Variants in SGCZ observed in about 807,000 individuals in gnomAD.
The protein encoded by SGCZ is sarcoglycan zeta.
In SGCZ, 40 loss-of-function variants were observed where a neutral mutation model predicts 41.3. The ratio of observed to expected loss-of-function variants is 0.97; its 90% confidence interval spans 0.75 to 1.26. The LOEUF is 1.26. Ranked by LOEUF, SGCZ falls within the 50% of genes most tolerant of loss-of-function variation. The pLI, the probability that SGCZ is intolerant of heterozygous loss-of-function variation, is 0.00. For synonymous variants in SGCZ, 206 were observed against 137.5 expected (o/e 1.50, Z -3.49); for missense variants, 552 against 369.8 (o/e 1.49, Z -4.04).
At chr8:14,886,744 G>A (rs1804821591) in intron 1 of SGCZ, among the ~76,000 whole-genome samples, 1 of 152,080 alleles carries the variant, frequency 6.6e-6, no homozygotes, top group African/African-American at 2.4e-5. Context: ...AAATGAGACG[G>A]GAAAATCACT....
At chr8:14,187,931 G>C (rs1258311956) in intron 4 of SGCZ, among the ~76,000 whole-genome samples, 2 of 152,086 alleles carry the variant, frequency 1.3e-5, no homozygotes, top group Non-Finnish European at 2.9e-5. Context: ...TGAAAATCTT[G>C]AAAGGAGCAA....
chr8:15,036,103 G>A (rs1803864381), intron 1 of SGCZ, among the ~76,000 whole-genome samples: 1 of 151,626 alleles, frequency 6.6e-6, no homozygotes, highest in South Asian at 2.1e-4. Context: ...GACTAATTCA[G>A]AAAAAAGAGA....
chr8:14,674,821 C>T (rs891531669), intron 1 of SGCZ, among the ~76,000 whole-genome samples: 3 of 151,740 alleles, frequency 2.0e-5, no homozygotes, highest in African/African-American at 7.3e-5. Context: ...AAACTGCCTG[C>T]TCCCACTTTG....
At chr8:14,927,967 T>A (rs1484670013) in intron 1 of SGCZ, among the ~76,000 whole-genome samples, 2 of 152,134 alleles carry the variant, frequency 1.3e-5, no homozygotes, top group African/African-American at 4.8e-5. Flanking sequence ...GTCACTAAGG[T>A]TCAGTCAAAG....
At chr8:15,181,331 G>C (rs182222030) in intron 1 of SGCZ, among the ~76,000 whole-genome samples, 2 of 151,766 alleles carry the variant, frequency 1.3e-5, no homozygotes, top group African/African-American at 2.4e-5. Context: ...AATTATATTT[G>C]AATTATACTT....
At chr8:14,237,534 AAAC>A in intron 4 of SGCZ, 55 bp downstream of exon 4, 2 of 1,506,564 alleles carry the variant, frequency 1.3e-6, no homozygotes, top group East Asian at 4.6e-5. Flanking sequence ...CAAAAACCAA[AAAC>A]AACAACAAAA....
In SGCZ at chr8:14,088,049, G is replaced by C. The variant is rs900274662; in HGVS notation, c.*2394C>G. Among the ~76,000 whole-genome samples, 1 of 151,462 alleles carries C rather than the reference G, an allele frequency of 6.6e-6. No individual in the cohort carries two copies. The highest frequency in any genetic ancestry group is 1.9e-4 in the East Asian group (1 of 5,148). On this transcript the variant is annotated 3_prime_UTR_variant, in exon 8 of 8. Transcript: ENST00000382080. Reference sequence around the variant, plus strand: ...AATGTGTCAGTCCCTCACTGGAATCGGTTTTTACATCTTTTTTTCTCACTT... The same window carrying C: ...AATGTGTCAGTCCCTCACTGGAATCCGTTTTTACATCTTTTTTTCTCACTT...
chr8:14,149,626 C>G (rs1296269311), intron 5 of SGCZ, among the ~76,000 whole-genome samples: 4 of 147,756 alleles, frequency 2.7e-5, no homozygotes, highest in African/African-American at 1.0e-4. Context: ...AGTGCAATCC[C>G]TATCAAAATA....
chr8:14,572,458 T>C (rs1804583216), intron 1 of SGCZ, among the ~76,000 whole-genome samples: 5 of 152,168 alleles, frequency 3.3e-5, no homozygotes, highest in Admixed American at 2.6e-4. Context: ...CAGGCACTAA[T>C]GCCCACAGGT....
At chr8:15,140,373 C>T (rs1361459752) in intron 1 of SGCZ, among the ~76,000 whole-genome samples, 2 of 152,118 alleles carry the variant, frequency 1.3e-5, no homozygotes, top group Non-Finnish European at 1.5e-5. Flanking sequence ...AGTGTAATCA[C>T]TTAGAAACCA....
At chr8:14,360,751 C>G (rs1437057797) in intron 2 of SGCZ, among the ~76,000 whole-genome samples, 1 of 152,170 alleles carries the variant, frequency 6.6e-6, no homozygotes, top group Non-Finnish European at 1.5e-5. Context: ...ATGAATAAAG[C>G]TGCTATGGAC....
chr8:14,198,396 G>C (rs1035897693), intron 4 of SGCZ, among the ~76,000 whole-genome samples: 2 of 152,236 alleles, frequency 1.3e-5, no homozygotes, highest in Non-Finnish European at 2.9e-5. Context: ...GTGTTAAAGT[G>C]CTTATTTTAA....
At chr8:14,244,463 A>T (rs1009394705) in intron 3 of SGCZ, among the ~76,000 whole-genome samples, 25 of 152,318 alleles carry the variant, frequency 1.6e-4, no homozygotes, top group African/African-American at 6.0e-4. Flanking sequence ...TGAAATAAAA[A>T]GTACCAGTAC....
intron 4 of SGCZ, among the ~76,000 whole-genome samples, chr8:14,222,670 T>C (rs1806239221): frequency 6.6e-6 from 1 of 152,054 alleles, no homozygotes. Context: ...CTTTACTCCA[T>C]GGACAATTTA....
intron 3 of SGCZ, among the ~76,000 whole-genome samples, chr8:14,314,577 G>A (rs1176061826): frequency 2.0e-5 from 3 of 152,076 alleles, no homozygotes; most frequent in Non-Finnish European, 2.9e-5. Context: ...AAAGTAATAA[G>A]AATAAAAATG....
intron 1 of SGCZ, among the ~76,000 whole-genome samples, chr8:14,591,371 T>C (rs544778243): frequency 1.3e-5 from 2 of 152,126 alleles, no homozygotes; most frequent in African/African-American, 2.4e-5. Flanking sequence ...ATGTTATTAA[T>C]CTTATATTTC....
chr8:14,962,769 T>C (rs1801003690), intron 1 of SGCZ, among the ~76,000 whole-genome samples: 1 of 152,180 alleles, frequency 6.6e-6, no homozygotes, highest in South Asian at 2.1e-4. Context: ...ACAAATGATG[T>C]TTGCACTTGG....
intron 1 of SGCZ, among the ~76,000 whole-genome samples, chr8:15,050,854 G>C (rs1804485912): frequency 6.6e-6 from 1 of 152,170 alleles, no homozygotes; most frequent in Non-Finnish European, 1.5e-5. Context: ...TTTTAGATGA[G>C]AGATATTAGC....
chr8:14,960,570 G>C (rs1800932159), intron 1 of SGCZ, among the ~76,000 whole-genome samples: 2 of 151,986 alleles, frequency 1.3e-5, no homozygotes, highest in Admixed American at 1.3e-4. Flanking sequence ...ATCTTTTCTT[G>C]AGCAGCTACA....
Sources: allele counts gnomAD v4.1 joint callset (sites outside exome capture counted in the v4.1 genomes callset), GRCh38; gene constraint gnomAD v4.1.1; transcripts MANE v1.5; gene names NCBI Gene and HGNC (gene_info 2026-07-23, HGNC 2026-07-21).